The following CSNK1A1 variants were observed in gnomAD, a reference collection of about 807,000 sequenced individuals.
The protein encoded by CSNK1A1 is casein kinase I isoform alpha.
In CSNK1A1, 7 loss-of-function variants were observed where a neutral mutation model predicts 46.1. That is an observed-to-expected ratio of 0.15 (90% CI 0.09 to 0.29). The LOEUF is 0.29. Ranked by LOEUF, CSNK1A1 falls within the 10% of genes least tolerant of loss-of-function variation. The probability of loss-of-function intolerance (pLI) is 1.00; values close to 1 mark genes in which losing one functional copy is unlikely to be tolerated. For missense variants in CSNK1A1, 96 were observed against 417.1 expected (o/e 0.23, Z 6.71); for synonymous variants, 137 against 141.5 (o/e 0.97, Z 0.23).
chr5:149,497,817 T>C (rs1760700753), intron 9 of CSNK1A1: 1 of 985,454 alleles, frequency 1.0e-6, no homozygotes, highest in Non-Finnish European at 1.2e-6. Flanking sequence ...AATCATAAAC[T>C]GCTCCTTTTC....
intron 3 of CSNK1A1, among the ~76,000 whole-genome samples, chr5:149,523,906 A>G (rs1761654839): frequency 6.6e-6 from 1 of 152,186 alleles, no homozygotes; most frequent in South Asian, 2.1e-4. Flanking sequence ...TAATACTAGA[A>G]CTTATTCCTC....
chr5:149,525,608 A>G lies in CSNK1A1; in HGVS notation c.231-437T>C, dbSNP rs1761706159. On this transcript the variant is annotated intron_variant, in intron 2 of 9. Coordinates refer to ENST00000377843, the MANE Select transcript of CSNK1A1 (RefSeq NM_001892.6). The surrounding 1 kb of genome is among the most constrained non-coding windows in gnomAD (Gnocchi z 4.2). The stretch of plus-strand genomic sequence containing the variant: ...CTGAACTTCGATTCCAGTTCCTACC[A>G]AATTGCATTTAATCAATAATTACTT... Among the ~76,000 whole-genome samples, 1 of 152,204 alleles carries G rather than the reference A, an allele frequency of 6.6e-6. No homozygotes were observed. The highest frequency in any genetic ancestry group is 2.4e-5 in the African/African-American group (1 of 41,448).
At chr5:149,506,988 T>C in intron 8 of CSNK1A1, 39 bp downstream of exon 8, 1 of 1,494,334 alleles carries the variant, frequency 6.7e-7, no homozygotes, top group Non-Finnish European at 9.2e-7. Flanking sequence ...CCAATTTCCC[T>C]CACAGAGTTT....
intron 2 of CSNK1A1, among the ~76,000 whole-genome samples, chr5:149,541,970 CAAAAAAAAAAAAA>C (rs1171466150): frequency 5.0e-5 from 2 of 40,040 alleles, no homozygotes; most frequent in East Asian, 9.8e-4. Flanking sequence ...GACTGCATCT[CAAAAAAAAAAAAA>C]AAAAAAAAAA....
At position 149,550,280 on chromosome 5, in the gene CSNK1A1, CAAG is replaced by C. The variant is rs796941093; in HGVS notation, c.124-102_124-100del. On this transcript the variant is annotated intron_variant, in intron 1 of 9. Transcript: ENST00000377843. This position sits in a 1 kb window ranked among gnomAD's most constrained non-coding sequence, Gnocchi z 4.3. The stretch of plus-strand genomic sequence containing the variant: ...TTAGCAAAACTCCAAGTCGCGACTA[CAAG>C]AAGAAGTGAAAAGCTGGAAAGAGAA... The C allele has an allele frequency of 1.3e-4, 201 of 1,501,434 alleles. No individual in the cohort carries two copies. Among genetic ancestry groups the C allele is most frequent in the African/African-American group, 2.3e-4 (16 of 71,064 alleles). The allele number at this position is 1,501,434 out of a possible 1,614,324, so 93.0% of individuals were successfully genotyped here.
At position 149,505,526 on chromosome 5, in the gene CSNK1A1, T is replaced by C; in HGVS notation, c.927A>G (p.Ala309=). 9 of 1,614,182 alleles carry C rather than the reference T, an allele frequency of 5.6e-6. No individual in the cohort carries two copies. Among genetic ancestry groups the C allele is most frequent in the Non-Finnish European group, 7.6e-6 (9 of 1,180,034 alleles). Residue 309 remains alanine, a synonymous_variant, in exon 9 of 10, where the codon GCA becomes GCG. Transcript: ENST00000377843. The stretch of plus-strand genomic sequence containing the variant: ...GCTGACCCTGCCCACTGGAAGAGGC[T>C]GCCTGCTGTGCTGCTTTCTGCTTTA... ...TMLKQKAAQQ[A]ASSSGQGQQA...
At chr5:149,515,474 T>C (rs1182606678) in intron 4 of CSNK1A1, among the ~76,000 whole-genome samples, 1 of 152,202 alleles carries the variant, frequency 6.6e-6, no homozygotes, top group Non-Finnish European at 1.5e-5. Flanking sequence ...GTAAACACGA[T>C]CTTCTTAAAC....
intron 5 of CSNK1A1, among the ~76,000 whole-genome samples, chr5:149,512,382 T>C (rs1761254956): frequency 6.6e-6 from 1 of 152,172 alleles, no homozygotes. Flanking sequence ...CAGTTTAACC[T>C]AGATCATTCA....
intron 4 of CSNK1A1, among the ~76,000 whole-genome samples, chr5:149,514,808 C>T (rs1055988948): frequency 2.0e-5 from 3 of 152,040 alleles, no homozygotes; most frequent in Middle Eastern, 3.2e-3. Context: ...ACCATGTCAA[C>T]GAGATACTGA....
intron 6 of CSNK1A1, among the ~76,000 whole-genome samples, chr5:149,511,396 T>C (rs1761220106): frequency 1.4e-5 from 2 of 140,086 alleles, no homozygotes; most frequent in African/African-American, 5.3e-5. Context: ...AGTAAACTCC[T>C]AGCTAATAGA....
Position 149,516,188 on chromosome 5 carries a change from C to T in CSNK1A1, c.457-2979G>A, listed in dbSNP as rs544850548. On this transcript the variant is annotated intron_variant, in intron 4 of 9. Coordinates refer to ENST00000377843, the MANE Select transcript of CSNK1A1 (RefSeq NM_001892.6). ...TACAAAAATTAGCCGGGCATGGTGG[C>T]GCATACCTGTAATCCCAGCTATTCG... Among the ~76,000 whole-genome samples, 6 of 152,140 alleles carry T rather than the reference C, an allele frequency of 3.9e-5. No individual in the cohort carries two copies. The South Asian group carries it at 6.2e-4, about 16-fold the overall frequency.
At chr5:149,537,077 A>T (rs567617835) in intron 2 of CSNK1A1, among the ~76,000 whole-genome samples, 2 of 152,288 alleles carry the variant, frequency 1.3e-5, no homozygotes, top group East Asian at 3.9e-4. Flanking sequence ...TATTCTTATT[A>T]CAAAAAGCAG....
chr5:149,498,024 C>T (rs1395600385), intron 9 of CSNK1A1: 5 of 739,632 alleles, frequency 6.8e-6, no homozygotes, highest in Middle Eastern at 6.7e-4. Flanking sequence ...AGTAGAGACA[C>T]AGTTTCACTG....
chr5:149,520,031 C>A (rs1314017123), intron 4 of CSNK1A1, among the ~76,000 whole-genome samples: 1 of 152,174 alleles, frequency 6.6e-6, no homozygotes, highest in East Asian at 1.9e-4. Flanking sequence ...ACTTAGACAA[C>A]TACAGTTCAT....
intron 2 of CSNK1A1, among the ~76,000 whole-genome samples, chr5:149,530,748 A>T (rs561597771): frequency 5.3e-5 from 8 of 152,106 alleles, no homozygotes; most frequent in Admixed American, 2.0e-4. Flanking sequence ...CGGGCGGATC[A>T]TGAGGCCAGG....
chr5:149,504,764 A>G, intron 9 of CSNK1A1: 1 of 985,466 alleles, frequency 1.0e-6, no homozygotes, highest in Non-Finnish European at 1.2e-6. Context: ...TGAAAAATCA[A>G]GCCAAAAACA....
At chr5:149,549,507 G>T in intron 2 of CSNK1A1, 1 of 702,272 alleles carries the variant, frequency 1.4e-6, no homozygotes, top group South Asian at 1.5e-5. Context: ...TAATCCACTC[G>T]GGGCTGCTAA....
At chr5:149,540,802 G>C (rs1392694131) in intron 2 of CSNK1A1, among the ~76,000 whole-genome samples, 1 of 152,132 alleles carries the variant, frequency 6.6e-6, no homozygotes, top group Non-Finnish European at 1.5e-5. Context: ...TGATCCGGCA[G>C]GGTATGGTGG....
chr5:149,550,330 G>A lies in CSNK1A1; in HGVS notation c.124-149C>T, dbSNP rs1762615253. The A allele has an allele frequency of 1.4e-6, 2 of 1,436,444 alleles. No individual in the cohort carries two copies. The highest frequency in any genetic ancestry group is 1.8e-6 in the Non-Finnish European group (2 of 1,099,688). 89.0% of individuals were successfully genotyped at this position (1,436,444 alleles called of 1,614,324 possible). A position where few individuals can be genotyped will look rare whatever the true frequency, so the allele number is the denominator to read the frequency against. Reference sequence around the variant, plus strand: ...AGAAAGCTCTCGGTAATTATAAAACGAGGCAACCAGCCTCAAAGGCCTCTT... The same window carrying A: ...AGAAAGCTCTCGGTAATTATAAAACAAGGCAACCAGCCTCAAAGGCCTCTT... On this transcript the variant is annotated intron_variant, in intron 1 of 9. Coordinates refer to ENST00000377843, the MANE Select transcript of CSNK1A1 (RefSeq NM_001892.6). The surrounding 1 kb of genome is among the most constrained non-coding windows in gnomAD (Gnocchi z 4.3).
Sources: allele counts gnomAD v4.1 joint callset (sites outside exome capture counted in the v4.1 genomes callset), GRCh38; gene constraint gnomAD v4.1.1; non-coding constraint Gnocchi (gnomAD v3.1); transcripts MANE v1.5; gene names NCBI Gene and HGNC (gene_info 2026-07-23, HGNC 2026-07-21).